ERBB4: variants seen among roughly 807,000 people sequenced by gnomAD.
ERBB4 encodes the protein erb-b2 receptor tyrosine kinase 4, also known as receptor tyrosine-protein kinase erbB-4.
A neutral mutation model predicts 158.0 loss-of-function variants in ERBB4; 42 were observed. The observed-to-expected ratio is 0.27, with a 90% confidence interval of 0.21 to 0.34. ERBB4 has a LOEUF of 0.34. Ranked by LOEUF, ERBB4 falls within the 10% of genes least tolerant of loss-of-function variation. ERBB4 has a pLI of 1.00. For missense variants in ERBB4, 1,333 were observed against 1,624.1 expected (o/e 0.82, Z 3.08); for synonymous variants, 583 against 558.7 (o/e 1.04, Z -0.61).
chr2:211,819,102 T>C (rs981927992), intron 3 of ERBB4, among the ~76,000 whole-genome samples: 2 of 152,122 alleles, frequency 1.3e-5, no homozygotes, highest in African/African-American at 4.8e-5. Context: ...GCCTAAAATC[T>C]TCTCTCACCA....
chr2:212,504,698 A>AG lies in ERBB4; in HGVS notation c.82+33750dup, dbSNP rs566799344. Among the ~76,000 whole-genome samples, 296 of 152,292 alleles carry AG rather than the reference A, an allele frequency of 1.9e-3. 2 individuals carry two copies. Among genetic ancestry groups the AG allele is most frequent in the African/African-American group, 6.7e-3 (279 of 41,568 alleles). On this transcript the variant is annotated intron_variant, in intron 1 of 27. Transcript: ENST00000342788. ...GGAATCTGTTTCTGCAGCTGAGCCC[A>AG]GCGATTTAAAATTTTAACAAATATA...
chr2:212,059,443 T>A (rs2077689199), intron 2 of ERBB4, among the ~76,000 whole-genome samples: 2 of 152,182 alleles, frequency 1.3e-5, no homozygotes, highest in Admixed American at 6.5e-5. Context: ...AAAAAACTGC[T>A]TTAAAGTTCA....
intron 3 of ERBB4, among the ~76,000 whole-genome samples, chr2:211,899,138 C>A (rs999219348): frequency 3.3e-5 from 5 of 152,054 alleles, no homozygotes; most frequent in Admixed American, 3.3e-4. Flanking sequence ...CATTCAACAA[C>A]CGTGGGATTC....
intron 2 of ERBB4, among the ~76,000 whole-genome samples, chr2:211,977,231 C>T (rs2081635198): frequency 6.6e-6 from 1 of 152,082 alleles, no homozygotes; most frequent in Non-Finnish European, 1.5e-5. Flanking sequence ...ACATGATTTG[C>T]ACCCTCAACA....
intron 1 of ERBB4, among the ~76,000 whole-genome samples, chr2:212,201,747 T>C (rs920280023): frequency 6.6e-6 from 1 of 152,208 alleles, no homozygotes; most frequent in African/African-American, 2.4e-5. Context: ...TAACTGGTCC[T>C]TCCTCTCTAC....
In ERBB4 at chr2:211,474,746, T is replaced by A. The variant is rs966811133; in HGVS notation, c.2488-43646A>T. ...CATACATTTCTGAACCACTCACAGG[T>A]AGGTTATAGGTAAAGCTTTGGTTTG... is the stretch of plus-strand genomic sequence containing the variant. On this transcript the variant is annotated intron_variant, in intron 20 of 27. Transcript: ENST00000342788. 7.2e-4 allele frequency among the ~76,000 whole-genome samples: 110 copies of A among 151,992 alleles called. 2 individuals are homozygous for A. The Middle Eastern group carries it at 0.014, about 19-fold the overall frequency.
At chr2:212,111,807 CTTGTT>C (rs1559518025) in intron 2 of ERBB4, among the ~76,000 whole-genome samples, 1 of 151,986 alleles carries the variant, frequency 6.6e-6, no homozygotes, top group Non-Finnish European at 1.5e-5. Flanking sequence ...AGATGTAGCT[CTTGTT>C]TTAAGGCGCT....
chr2:212,144,299 G>A (rs1039892810), intron 1 of ERBB4, among the ~76,000 whole-genome samples: 2 of 152,046 alleles, frequency 1.3e-5, no homozygotes, highest in African/African-American at 4.8e-5. Context: ...TGAAATTCTA[G>A]TCACCTAACT....
intron 2 of ERBB4, among the ~76,000 whole-genome samples, chr2:212,024,491 C>G (rs188066321): frequency 1.3e-5 from 2 of 151,632 alleles, no homozygotes; most frequent in Non-Finnish European, 2.9e-5. Flanking sequence ...AGTTCTAAGA[C>G]AGAAACAGGC....
At chr2:212,100,114 T>G (rs2125514484) in intron 2 of ERBB4, among the ~76,000 whole-genome samples, 1 of 152,354 alleles carries the variant, frequency 6.6e-6, no homozygotes, top group Non-Finnish European at 1.5e-5. Flanking sequence ...AACTTTTTTT[T>G]GTTGTTTCTT....
chr2:211,946,190 T>C (rs1376412332), intron 3 of ERBB4, among the ~76,000 whole-genome samples: 1 of 152,074 alleles, frequency 6.6e-6, no homozygotes, highest in Non-Finnish European at 1.5e-5. Flanking sequence ...TCATCAACTC[T>C]ATAGCAATCA....
At chr2:212,391,661 T>C (rs2090862638) in intron 1 of ERBB4, among the ~76,000 whole-genome samples, 1 of 139,608 alleles carries the variant, frequency 7.2e-6, no homozygotes, top group East Asian at 2.0e-4. Flanking sequence ...TATTATATTA[T>C]GTATTATATT....
intron 20 of ERBB4, among the ~76,000 whole-genome samples, chr2:211,493,633 A>G (rs562422094): frequency 3.1e-4 from 47 of 152,086 alleles, no homozygotes; most frequent in African/African-American, 1.1e-3. Context: ...ATTCAATTTA[A>G]GCCACATAAT....
intron 3 of ERBB4, among the ~76,000 whole-genome samples, chr2:211,925,532 C>T (rs2079995692): frequency 6.6e-6 from 1 of 151,770 alleles, no homozygotes; most frequent in Non-Finnish European, 1.5e-5. Context: ...CAGGCACCCG[C>T]CACACCTGGC....
chr2:211,928,953 T>C (rs1457359919), intron 3 of ERBB4, among the ~76,000 whole-genome samples: 1 of 152,036 alleles, frequency 6.6e-6, no homozygotes, highest in Non-Finnish European at 1.5e-5. Context: ...TTCAAGGGAG[T>C]GGGCTATTTT....
chr2:212,417,016 A>G (rs900048062), intron 1 of ERBB4, among the ~76,000 whole-genome samples: 1 of 152,028 alleles, frequency 6.6e-6, no homozygotes, highest in African/African-American at 2.4e-5. Context: ...AAAGTATACT[A>G]CCTAAAGGAG....
chr2:212,015,027 C>T lies in ERBB4; in HGVS notation c.235-67411G>A, dbSNP rs1292779006. Among the ~76,000 whole-genome samples the T allele has an allele frequency of 1.1e-3, 7 of 6,634 alleles. 1 individual carries two copies. In the East Asian group the frequency reaches 0.083, roughly 79 times the overall value. The allele number at this position is 6,634 out of a possible 152,430, so 4.4% of individuals were successfully genotyped here. Reference sequence around the variant, plus strand: ...CTAACACGGTGAAACCCCGTCTCTACTAAAAAAAAAAAAAATATATATATA... The same window carrying T: ...CTAACACGGTGAAACCCCGTCTCTATTAAAAAAAAAAAAAATATATATATA... On this transcript the variant is annotated intron_variant, in intron 2 of 27. Coordinates refer to ENST00000342788, the MANE Select transcript of ERBB4 (RefSeq NM_005235.3).
At chr2:211,428,603 G>C in intron 21 of ERBB4, 120 bp from the exon 22 acceptor site, 1 of 552,692 alleles carries the variant, frequency 1.8e-6, no homozygotes, top group Non-Finnish European at 3.3e-6. Context: ...TGTGTGTATA[G>C]ATATAACTAT....
chr2:212,175,542 A>C (rs527556533), intron 1 of ERBB4, among the ~76,000 whole-genome samples: 2 of 152,066 alleles, frequency 1.3e-5, no homozygotes, highest in South Asian at 4.1e-4. Flanking sequence ...GTCCCAAAAC[A>C]GATAATTTTC....
Sources: gnomAD v4.1 joint callset for allele counts (sites outside exome capture counted in the v4.1 genomes callset) on GRCh38, gnomAD v4.1.1 for gene constraint, MANE v1.5 for transcripts, NCBI Gene and HGNC (gene_info 2026-07-23, HGNC 2026-07-21) for gene names.